Variants in LEKR1 observed in about 807,000 individuals in gnomAD.
LEKR1 encodes the protein leucine, glutamate and lysine rich 1.
Under a neutral mutation model 72.4 loss-of-function variants are expected in LEKR1, and 59 were observed. The observed-to-expected ratio is 0.82, with a 90% CI of 0.66 to 1.01. LEKR1 has a LOEUF of 1.01. Among genes scored for constraint, LEKR1 ranks in the 50% least tolerant of loss-of-function variants. The pLI is 0.00. For missense variants in LEKR1, 728 were observed against 759.2 expected (o/e 0.96, Z 0.48); for synonymous variants, 257 against 263.2 (o/e 0.98, Z 0.23).
chr3:156,850,902 A>T (rs915537047), intron 2 of LEKR1, among the ~76,000 whole-genome samples: 10 of 152,218 alleles, frequency 6.6e-5, no homozygotes, highest in Admixed American at 1.3e-4. Flanking sequence ...GCACTGCAGT[A>T]TTTTTAAAAT....
At chr3:156,994,349 C>A (rs1294397148) in intron 9 of LEKR1, among the ~76,000 whole-genome samples, 1 of 152,072 alleles carries the variant, frequency 6.6e-6, no homozygotes, top group African/African-American at 2.4e-5. Context: ...TGTTTCTACA[C>A]CAGGCAAGCA....
intron 5 of LEKR1, among the ~76,000 whole-genome samples, chr3:156,932,461 C>T (rs1335420620): frequency 6.6e-6 from 1 of 152,044 alleles, no homozygotes; most frequent in East Asian, 1.9e-4. Flanking sequence ...TGGCTCATGC[C>T]TAGCACTATG....
chr3:156,846,817 G>T (rs556474001), intron 2 of LEKR1, among the ~76,000 whole-genome samples: 20 of 152,120 alleles, frequency 1.3e-4, no homozygotes, highest in African/African-American at 3.9e-4. Flanking sequence ...ATGTATGTAT[G>T]TATTTATTTA....
chr3:156,845,359 A>ATTTTCCATTTATGAATCATGC (rs1714459492), intron 2 of LEKR1, among the ~76,000 whole-genome samples: 1 of 151,756 alleles, frequency 6.6e-6, no homozygotes, highest in South Asian at 2.1e-4. Context: ...AGGTTATCAG[A>ATTTTCCATTTATGAATCATGC]TTTTCCATTT....
In LEKR1 at chr3:156,866,656, T is replaced by G. The variant is rs538708326; in HGVS notation, c.263+13674T>G. ...TGCATGTAGTGCTTACATAACTTAT[T>G]TGGTACCTATTGATATGATGTTTTA... is the stretch of plus-strand genomic sequence containing the variant. On this transcript the variant is annotated intron_variant, in intron 3 of 12. Transcript: ENST00000356539. 6.9e-4 allele frequency among the ~76,000 whole-genome samples: 105 copies of G among 152,092 alleles called. 1 individual carries two copies. In the South Asian group the frequency reaches 0.022, roughly 32 times the overall value.
rs1734354273 is a variant in LEKR1 at position 157,028,316 on chromosome 3, G to A, written c.1582G>A (p.Glu528Lys). The A allele has an allele frequency of 1.2e-6, 2 of 1,613,488 alleles. No homozygotes were observed. The highest frequency in any genetic ancestry group is 1.1e-5 in the South Asian group (1 of 91,024). ...TTCAGTTTCAGAAAACTTGAGGAAG[G>A]AAATGGAACAGAAGTCGGATGAACT... ...NDSVSENLRK[E>K]MEQKSDELKR... The change falls in exon 12 of 13, where the codon GAA becomes AAA. Residue 528 changes from glutamate to lysine, a missense_variant. Glu to Lys is a moderately conservative substitution (Grantham distance 56). Coordinates refer to ENST00000356539, the MANE Select transcript of LEKR1 (RefSeq NM_001004316.3).
intron 9 of LEKR1, among the ~76,000 whole-genome samples, chr3:157,002,352 CAAGATTGTTTTCTCTTTATCAATGGCCT>C (rs887673823): frequency 6.6e-6 from 1 of 151,972 alleles, no homozygotes; most frequent in African/African-American, 2.4e-5. Flanking sequence ...TTTTTCAACA[CAAGATTGTTTTCTCTTTATCAATGGCCT>C]AAGATTGTTT....
Position 157,039,439 on chromosome 3 carries a change from G to A in LEKR1, c.1669-5901G>A, listed in dbSNP as rs147127413. 4.7e-3 allele frequency among the ~76,000 whole-genome samples: 721 copies of A among 152,158 alleles called. 7 individuals are homozygous for A. The highest frequency in any genetic ancestry group is 6.8e-3 in the Middle Eastern group (2 of 294). ...TTCAAGACCAGCCTGGGAAACATAGGGAGACCCTGTTTTTACAGAAAATAC... is the reference window on the plus strand; with the variant it reads ...TTCAAGACCAGCCTGGGAAACATAGAGAGACCCTGTTTTTACAGAAAATAC... On this transcript the variant is annotated intron_variant, in intron 12 of 12. Coordinates refer to ENST00000356539, the MANE Select transcript of LEKR1 (RefSeq NM_001004316.3).
At chr3:156,880,322 C>T (rs1719137571) in intron 3 of LEKR1, among the ~76,000 whole-genome samples, 1 of 152,154 alleles carries the variant, frequency 6.6e-6, no homozygotes, top group Non-Finnish European at 1.5e-5. Flanking sequence ...GGGGATATCA[C>T]CACCAATCCC....
intron 12 of LEKR1, among the ~76,000 whole-genome samples, chr3:157,030,909 G>T (rs757004280): frequency 1.3e-5 from 2 of 152,190 alleles, no homozygotes; most frequent in African/African-American, 4.8e-5. Context: ...CTCAGGGCAA[G>T]CGAGTGAGAA....
chr3:156,963,147 C>T (rs114067766), intron 6 of LEKR1, among the ~76,000 whole-genome samples: 1 of 152,152 alleles, frequency 6.6e-6, no homozygotes, highest in Non-Finnish European at 1.5e-5. Context: ...TTTATTTAGT[C>T]ATTCAGCAAT....
intron 6 of LEKR1, among the ~76,000 whole-genome samples, chr3:156,968,956 C>G (rs1019535769): frequency 6.6e-6 from 1 of 152,180 alleles, no homozygotes; most frequent in Non-Finnish European, 1.5e-5. Flanking sequence ...CAAACTAGAA[C>G]TCAGGATTAA....
At chr3:156,869,999 A>C (rs1269930170) in intron 3 of LEKR1, among the ~76,000 whole-genome samples, 2 of 152,152 alleles carry the variant, frequency 1.3e-5, no homozygotes, top group South Asian at 2.1e-4. Context: ...GCCTTTGTTG[A>C]AAATCCTCTG....
chr3:157,010,358 G>A (rs191005847), intron 9 of LEKR1, among the ~76,000 whole-genome samples: 48 of 152,186 alleles, frequency 3.2e-4, no homozygotes, highest in African/African-American at 1.1e-3. Flanking sequence ...GAAAATGTCA[G>A]AGATGATTCA....
chr3:156,948,928 T>G (rs1726913034), intron 6 of LEKR1, among the ~76,000 whole-genome samples: 1 of 151,354 alleles, frequency 6.6e-6, no homozygotes, highest in African/African-American at 2.4e-5. Flanking sequence ...GATAGTGAAC[T>G]TTTTTTTCCT....
intron 6 of LEKR1, among the ~76,000 whole-genome samples, chr3:156,947,285 G>A (rs1726772606): frequency 6.6e-6 from 1 of 151,106 alleles, no homozygotes; most frequent in Non-Finnish European, 1.5e-5. Flanking sequence ...CATAGGTTTT[G>A]CTATGTTGGT....
chr3:157,043,274 C>A (rs984674227), intron 12 of LEKR1, among the ~76,000 whole-genome samples: 4 of 152,128 alleles, frequency 2.6e-5, no homozygotes, highest in Non-Finnish European at 5.9e-5. Context: ...TCAGGTATTT[C>A]TTTAGAGCAA....
chr3:157,007,666 T>C (rs2108020265), intron 9 of LEKR1, among the ~76,000 whole-genome samples: 1 of 152,362 alleles, frequency 6.6e-6, no homozygotes, highest in East Asian at 1.9e-4. Flanking sequence ...AGAGATTCTA[T>C]GTTTTGGCTT....
chr3:156,971,832 C>T (rs1729226626), intron 6 of LEKR1, among the ~76,000 whole-genome samples: 1 of 152,142 alleles, frequency 6.6e-6, no homozygotes, highest in Non-Finnish European at 1.5e-5. Flanking sequence ...ATTAAAAAGT[C>T]AGGAAACAAC....
Sources: allele counts gnomAD v4.1 joint callset (sites outside exome capture counted in the v4.1 genomes callset), GRCh38; gene constraint gnomAD v4.1.1; transcripts MANE v1.5; gene names NCBI Gene and HGNC (gene_info 2026-07-23, HGNC 2026-07-21).